The following DBH variants were observed in gnomAD, a reference collection of about 807,000 sequenced individuals.
DBH encodes dopamine beta-hydroxylase, also known as dopamine beta-hydroxylase (dopamine beta-monooxygenase).
DBH carries 49 observed loss-of-function variants against 64.0 expected under a neutral mutation model. The ratio of observed to expected loss-of-function variants is 0.77; its 90% CI spans 0.61 to 0.97. The LOEUF (loss-of-function observed/expected upper bound fraction) is 0.97, where lower values mean the gene tolerates loss of function less well. DBH is among the 50% of genes least tolerant of loss of function. The pLI is 0.00. For missense variants in DBH, 828 were observed against 826.6 expected (o/e 1.00, Z -0.02); for synonymous variants, 343 against 347.1 (o/e 0.99, Z 0.13).
rs149061808 is a variant in DBH, at chr9:133,657,497, GGAGAGAGAGA to G, written c.1722+280_1722+289del. On this transcript the variant is annotated intron_variant, in intron 11 of 11. Coordinates refer to ENST00000393056, the MANE Select transcript of DBH (RefSeq NM_000787.4). ...GGGAGAGGGAGAGAGGAGAGAGAGAGGAGAGAGAGAGAGAGAGAGAGGGAGAGAGAGAGAA... is the reference window on the plus strand; with the variant it reads ...GGGAGAGGGAGAGAGGAGAGAGAGAGGAGAGAGAGAGGGAGAGAGAGAGAA... Among the ~76,000 whole-genome samples the G allele has an allele frequency of 6.3e-3, 896 of 143,118 alleles. 5 individuals are homozygous for G. The highest frequency in any genetic ancestry group is 0.022 in the East Asian group (107 of 4,926). 93.9% of individuals were successfully genotyped at this position (143,118 alleles called of 152,430 possible). A position where few individuals can be genotyped will look rare whatever the true frequency, so the allele number is the denominator to read the frequency against.
chr9:133,643,303 A>G lies in DBH; in HGVS notation c.745-110A>G. On this transcript the variant is annotated intron_variant, in intron 3 of 11. Transcript: ENST00000393056. The surrounding 1 kb of genome is among the most constrained non-coding windows in gnomAD (Gnocchi z 5.3). The stretch of plus-strand genomic sequence containing the variant: ...CAGAAGTGCCCCTGAAATTGTCTGG[A>G]TCATCCCTCCCATTTTACAGATGGG... The G allele has an allele frequency of 1.7e-6, 2 of 1,186,214 alleles. No individual in the cohort carries two copies. The highest frequency in any genetic ancestry group is 1.3e-5 in the South Asian group (1 of 77,396). 73.5% of individuals were successfully genotyped at this position (1,186,214 alleles called of 1,614,324 possible).
chr9:133,642,161 T>G, intron 2 of DBH, 46 bp from the exon 3 acceptor site: 11 of 1,608,362 alleles, frequency 6.8e-6, no homozygotes, highest in Non-Finnish European at 9.3e-6. Context: ...AGCCCAACTC[T>G]GGGGGCTCTG....
intron 6 of DBH, among the ~76,000 whole-genome samples, chr9:133,648,491 A>G (rs1323107361): frequency 6.6e-6 from 1 of 152,222 alleles, no homozygotes; most frequent in Non-Finnish European, 1.5e-5. Context: ...AAAAAGTTGT[A>G]TTGAATAGTT....
In DBH at chr9:133,658,660, A is replaced by C. The variant is rs578112069; in HGVS notation, c.*213A>C. On this transcript the variant is annotated 3_prime_UTR_variant, in exon 12 of 12. Coordinates refer to ENST00000393056, the MANE Select transcript of DBH (RefSeq NM_000787.4). ...GAGGGTGTGGGTGCCCTGTTGACCT[A>C]CCCTGGACCGAGTGGACCACGACCT... The C allele has an allele frequency of 4.5e-5, 23 of 507,940 alleles. No homozygotes were observed. The South Asian group carries it at 7.0e-4, about 15-fold the overall frequency. The allele number at this position is 507,940 out of a possible 1,614,324, so 31.5% of individuals were successfully genotyped here.
rs764135068 is a variant in DBH, at chr9:133,636,697, C to T, written c.326C>T (p.Thr109Ile). ...DLVVLWTDGDTAYFADAWSDQ... is the reference protein window; with the variant it reads ...DLVVLWTDGDIAYFADAWSDQ... ...GTGGTGCTCTGGACCGATGGGGACACTGCCTATTTTGCGGTGAGTCTCTCC... is the reference window on the plus strand; with the variant it reads ...GTGGTGCTCTGGACCGATGGGGACATTGCCTATTTTGCGGTGAGTCTCTCC... Residue 109 changes from threonine to isoleucine, a missense_variant, in exon 1 of 12, where the codon ACT becomes ATT. Physicochemically the swap from Thr to Ile is moderately conservative, Grantham distance 89. Coordinates refer to ENST00000393056, the MANE Select transcript of DBH (RefSeq NM_000787.4). 6 of 1,603,136 alleles carry T rather than the reference C, an allele frequency of 3.7e-6. No homozygotes were observed. In the African/African-American group the frequency reaches 8.0e-5, roughly 21 times the overall value.
intron 6 of DBH, among the ~76,000 whole-genome samples, chr9:133,648,833 T>A (rs1433315914): frequency 6.6e-6 from 1 of 152,380 alleles, no homozygotes; most frequent in East Asian, 1.9e-4. Context: ...AATCAGTGTC[T>A]AGGCTGTTCT....
At position 133,658,369 on chromosome 9, in the gene DBH, C is replaced by A; in HGVS notation, c.1776C>A (p.Pro592=). Residue 592 remains proline, a synonymous_variant, in exon 12 of 12, where the codon CCC becomes CCA. Transcript: ENST00000393056. The stretch of plus-strand genomic sequence containing the variant: ...AGGTCATCTCCACACTGGAAGAGCC[C>A]ACCCCACAGTGCCCCACCAGCCAGG... ...LPKVISTLEE[P]TPQCPTSQGR... is the part of the protein sequence containing the mutation. 1 of 1,613,882 alleles carries A rather than the reference C, an allele frequency of 6.2e-7. No individual in the cohort carries two copies. Among genetic ancestry groups the A allele is most frequent in the Non-Finnish European group, 8.5e-7 (1 of 1,179,910 alleles).
At position 133,639,714 on chromosome 9, in the gene DBH, C is replaced by G. The variant is rs908114145; in HGVS notation, c.340-132C>G. The G allele has an allele frequency of 4.1e-6, 4 of 970,140 alleles. No homozygotes were observed. The African/African-American group carries it at 6.4e-5, about 16-fold the overall frequency. 60.1% of individuals were successfully genotyped at this position (970,140 alleles called of 1,614,324 possible). A position where few individuals can be genotyped will look rare whatever the true frequency, so the allele number is the denominator to read the frequency against. ...GCCCCAGGCAGAACCCTCAGATCCACAGGGACTGAGGCCCAGCATCCCCAG... is the reference window on the plus strand; with the variant it reads ...GCCCCAGGCAGAACCCTCAGATCCAGAGGGACTGAGGCCCAGCATCCCCAG... On this transcript the variant is annotated intron_variant, in intron 1 of 11. Transcript: ENST00000393056.
chr9:133,656,232 C>T (rs1832316060), intron 9 of DBH: 1 of 401,004 alleles, frequency 2.5e-6, no homozygotes, highest in Non-Finnish European at 4.8e-6. Context: ...AGTTTCTGTA[C>T]CCATAAAATG....
chr9:133,658,591 G>T lies in DBH; in HGVS notation c.*144G>T, dbSNP rs1224818173. 2 of 974,210 alleles carry T rather than the reference G, an allele frequency of 2.1e-6. No individual in the cohort carries two copies. The highest frequency in any genetic ancestry group is 2.9e-6 in the Non-Finnish European group (2 of 688,226). The allele number at this position is 974,210 out of a possible 1,614,324, so 60.3% of individuals were successfully genotyped here. On this transcript the variant is annotated 3_prime_UTR_variant, in exon 12 of 12. Transcript: ENST00000393056. Reference sequence around the variant, plus strand: ...AGACCACGCCCCTGCCTGAGACCACGGTCCAATCCAGCCTTCTTCCCCCAG... The same window carrying T: ...AGACCACGCCCCTGCCTGAGACCACTGTCCAATCCAGCCTTCTTCCCCCAG...
chr9:133,656,421 C>T, intron 9 of DBH, 102 bp from the exon 10 acceptor site: 3 of 1,528,712 alleles, frequency 2.0e-6, no homozygotes, highest in Admixed American at 1.7e-5. Context: ...GTGCAGTGAA[C>T]AGACGAGTGG....
intron 6 of DBH, among the ~76,000 whole-genome samples, chr9:133,650,692 C>A (rs1832238909): frequency 6.6e-6 from 1 of 151,774 alleles, no homozygotes; most frequent in Non-Finnish European, 1.5e-5. Context: ...GGATTACAGG[C>A]ACGTGCCACC....
intron 5 of DBH, among the ~76,000 whole-genome samples, chr9:133,646,502 G>A (rs781253090): frequency 3.0e-4 from 45 of 152,144 alleles, no homozygotes; most frequent in Non-Finnish European, 5.7e-4. Context: ...GAGGATGTTC[G>A]AGTGGGTGCC....
At chr9:133,656,046 T>C (rs1832313200) in intron 9 of DBH, 2 of 251,724 alleles carry the variant, frequency 7.9e-6, no homozygotes, top group Admixed American at 9.9e-5. Context: ...GAGAAATGAC[T>C]GGTGGACGGT....
chr9:133,648,042 C>T (rs1157250937), intron 6 of DBH, 30 bp downstream of exon 6: 2 of 1,596,328 alleles, frequency 1.3e-6, no homozygotes, highest in Admixed American at 1.7e-5. Flanking sequence ...GCACTGCACC[C>T]TCCCTCCTCC....
chr9:133,651,883 C>CT (rs1832253735), intron 7 of DBH, 106 bp downstream of exon 7: 15 of 1,243,432 alleles, frequency 1.2e-5, no homozygotes, highest in Non-Finnish European at 1.6e-5. Context: ...AGGCTGGCTT[C>CT]TTTTTCCTGG....
Position 133,656,623 on chromosome 9 carries a change from T to G in DBH, c.1535T>G (p.Leu512Arg). ...LCKSAVDAGF[L>R]QKYFHLINRF... The stretch of plus-strand genomic sequence containing the variant: ...AAGAGCGCTGTGGACGCCGGCTTCC[T>G]GCAGAAGTACTTCCACCTCATCAAC... The change falls in exon 10 of 12, where the codon CTG (leucine) becomes CGG (arginine). Residue 512 changes from leucine to arginine, a missense_variant. Coordinates refer to ENST00000393056, the MANE Select transcript of DBH (RefSeq NM_000787.4). 1 of 1,613,036 alleles carries G rather than the reference T, an allele frequency of 6.2e-7. No individual in the cohort carries two copies. Among genetic ancestry groups the G allele is most frequent in the Non-Finnish European group, 8.5e-7 (1 of 1,179,988 alleles).
At chr9:133,647,723 G>T (rs985465254) in intron 5 of DBH, 123 bp from the exon 6 acceptor site, 18 of 1,191,084 alleles carry the variant, frequency 1.5e-5, no homozygotes, top group Non-Finnish European at 2.1e-5. Flanking sequence ...GGGAGCAGAT[G>T]GGGGGTGACC....
chr9:133,649,605 G>A lies in DBH; in HGVS notation c.1191+1593G>A, dbSNP rs539499314. ...AGGTTCCTCAAGGCTGAAGGGAGACGGAGCTCTCAGCCGGCATGGCACCCA... is the reference window on the plus strand; with the variant it reads ...AGGTTCCTCAAGGCTGAAGGGAGACAGAGCTCTCAGCCGGCATGGCACCCA... On this transcript the variant is annotated intron_variant, in intron 6 of 11. Transcript: ENST00000393056. Among the ~76,000 whole-genome samples, 12 of 152,342 alleles carry A rather than the reference G, an allele frequency of 7.9e-5. 1 individual carries two copies. The South Asian group carries it at 2.1e-3, about 26-fold the overall frequency.
Sources: gnomAD v4.1 joint callset for allele counts (sites outside exome capture counted in the v4.1 genomes callset) on GRCh38, gnomAD v4.1.1 for gene constraint, Gnocchi (gnomAD v3.1) non-coding constraint, MANE v1.5 for transcripts, NCBI Gene and HGNC (gene_info 2026-07-23, HGNC 2026-07-21) for gene names.